Variants in MYOCD observed in about 807,000 individuals in gnomAD.
MYOCD encodes the protein myocardin.
Under a neutral mutation model 96.1 loss-of-function variants are expected in MYOCD, and 32 were observed. The observed-to-expected ratio is 0.33, with a 90% CI of 0.25 to 0.45. The LOEUF (loss-of-function observed/expected upper bound fraction) is 0.45, where lower values mean the gene tolerates loss of function less well. MYOCD is among the 20% of genes least tolerant of loss of function. The pLI is 1.00. For missense variants in MYOCD, 1,133 were observed against 1,200.6 expected (o/e 0.94, Z 0.83); for synonymous variants, 469 against 469.0 (o/e 1.00, Z 0.00).
chr17:12,698,053 T>C (rs534677319), intron 1 of MYOCD, among the ~76,000 whole-genome samples: 5 of 152,124 alleles, frequency 3.3e-5, no homozygotes, highest in African/African-American at 1.2e-4. Context: ...AAAAGAGAGT[T>C]TGTGTGGGGA....
At chr17:12,714,628 T>C (rs913608923) in intron 2 of MYOCD, among the ~76,000 whole-genome samples, 15 of 152,158 alleles carry the variant, frequency 9.9e-5, no homozygotes, top group African/African-American at 3.4e-4. Flanking sequence ...AGGCAAAATG[T>C]AGAATTTTGC....
At chr17:12,669,139 T>G (rs1909535786) in intron 1 of MYOCD, among the ~76,000 whole-genome samples, 1 of 152,222 alleles carries the variant, frequency 6.6e-6, no homozygotes, top group African/African-American at 2.4e-5. Context: ...GTTTTTAATC[T>G]TCTCATGTTG....
intron 4 of MYOCD, among the ~76,000 whole-genome samples, chr17:12,720,688 A>G (rs769626564): frequency 6.6e-6 from 1 of 152,166 alleles, no homozygotes; most frequent in Non-Finnish European, 1.5e-5. Context: ...AAACCTACCA[A>G]TCAATATAAA....
Position 12,717,364 on chromosome 17 carries a change from C to A in MYOCD, c.196C>A (p.Arg66Ser). 1.2e-6 allele frequency: 2 copies of A among 1,613,862 alleles called. No individual in the cohort carries two copies. Among genetic ancestry groups the A allele is most frequent in the South Asian group, 2.2e-5 (2 of 91,032 alleles). Residue 66 changes from arginine to serine, a missense_variant, in exon 4 of 14, where the codon CGC (arginine) becomes AGC (serine). Coordinates refer to ENST00000425538, the MANE Select transcript of MYOCD (RefSeq NM_001146312.3). ...DSDKAKNSLK[R>S]KARNRCNSAD... Reference sequence around the variant, plus strand: ...TCTACAGGCTAAAAATTCCCTGAAGCGCAAAGCCAGAAACAGGTGCAACAG... The same window carrying A: ...TCTACAGGCTAAAAATTCCCTGAAGAGCAAAGCCAGAAACAGGTGCAACAG...
At chr17:12,753,930 G>T (rs548186519) in intron 10 of MYOCD, among the ~76,000 whole-genome samples, 1 of 152,282 alleles carries the variant, frequency 6.6e-6, no homozygotes, top group Non-Finnish European at 1.5e-5. Flanking sequence ...CTGGGACTTA[G>T]TGCTGAACTA....
intron 2 of MYOCD, chr17:12,710,506 C>T: frequency 1.6e-5 from 16 of 984,928 alleles, no homozygotes; most frequent in Non-Finnish European, 1.9e-5. Flanking sequence ...CTAATCCAAG[C>T]TACAGCAGCC....
intron 5 of MYOCD, among the ~76,000 whole-genome samples, chr17:12,729,933 T>C (rs995265287): frequency 3.9e-5 from 6 of 152,114 alleles, no homozygotes; most frequent in Non-Finnish European, 7.3e-5. Context: ...ATCAGGTGTA[T>C]CAAAAGACAT....
chr17:12,679,186 G>A (rs978627895), intron 1 of MYOCD, among the ~76,000 whole-genome samples: 6 of 152,004 alleles, frequency 3.9e-5, no homozygotes, highest in Admixed American at 1.3e-4. Context: ...CTAACAGTCC[G>A]TCTGCTTAAA....
intron 9 of MYOCD, among the ~76,000 whole-genome samples, chr17:12,751,386 A>G (rs2032849049): frequency 6.6e-6 from 1 of 152,062 alleles, no homozygotes; most frequent in African/African-American, 2.4e-5. Context: ...TAATCATCCA[A>G]TGTCAGCAAA....
intron 1 of MYOCD, among the ~76,000 whole-genome samples, chr17:12,676,474 T>G (rs1597723792): frequency 6.6e-6 from 1 of 152,208 alleles, no homozygotes; most frequent in Non-Finnish European, 1.5e-5. Flanking sequence ...TCAGTAATTT[T>G]TAAATTTTCT....
At chr17:12,692,353 G>A (rs556245244) in intron 1 of MYOCD, among the ~76,000 whole-genome samples, 46 of 152,218 alleles carry the variant, frequency 3.0e-4, no homozygotes, top group Non-Finnish European at 6.0e-4. Flanking sequence ...TCGATACAAT[G>A]CATAAAGGTC....
rs142301022 is a variant in MYOCD, at chr17:12,740,864, C to T, written c.717+1536C>T. 6.8e-3 allele frequency among the ~76,000 whole-genome samples: 1,027 copies of T among 152,092 alleles called. 16 individuals are homozygous for T. Among genetic ancestry groups the T allele is most frequent in the East Asian group, 0.038 (195 of 5,162 alleles). Reference sequence around the variant, plus strand: ...AGTGATTCTCCTGCCTCAGCCTCCCCAGTAGCTGGGAGTATAGGTGCACAC... The same window carrying T: ...AGTGATTCTCCTGCCTCAGCCTCCCTAGTAGCTGGGAGTATAGGTGCACAC... On this transcript the variant is annotated intron_variant, in intron 7 of 13. Coordinates refer to ENST00000425538, the MANE Select transcript of MYOCD (RefSeq NM_001146312.3).
At chr17:12,731,507 AAAAAC>A (rs1378716532) in intron 5 of MYOCD, among the ~76,000 whole-genome samples, 2 of 152,152 alleles carry the variant, frequency 1.3e-5, no homozygotes, top group African/African-American at 2.4e-5. Flanking sequence ...TGCTCCTACC[AAAAAC>A]AATAGCAACA....
At chr17:12,761,590 T>TACACACACACACACAC (rs5819386) in intron 13 of MYOCD, 5 of 141,382 alleles carry the variant, frequency 3.5e-5, no homozygotes, top group South Asian at 2.4e-4. Flanking sequence ...CAGATGCCCA[T>TACACACACACACACAC]ACACACACAC....
intron 5 of MYOCD, among the ~76,000 whole-genome samples, chr17:12,733,932 G>A (rs1255695631): frequency 6.6e-6 from 1 of 151,446 alleles, no homozygotes; most frequent in Non-Finnish European, 1.5e-5. Flanking sequence ...CTATTATGAA[G>A]TCTAACAAAG....
chr17:12,750,799 T>C (rs2032831648), intron 9 of MYOCD, among the ~76,000 whole-genome samples: 1 of 152,248 alleles, frequency 6.6e-6, no homozygotes, highest in Admixed American at 6.5e-5. Flanking sequence ...TTTTCATTTC[T>C]TGGATTACTA....
At chr17:12,738,302 C>T (rs1425246055) in intron 6 of MYOCD, among the ~76,000 whole-genome samples, 1 of 152,030 alleles carries the variant, frequency 6.6e-6, no homozygotes, top group Non-Finnish European at 1.5e-5. Flanking sequence ...CATTCCTCAC[C>T]CCCCATGGAG....
At chr17:12,679,083 C>G (rs1910286609) in intron 1 of MYOCD, among the ~76,000 whole-genome samples, 1 of 152,200 alleles carries the variant, frequency 6.6e-6, no homozygotes, top group Non-Finnish European at 1.5e-5. Context: ...ACCAAATTTA[C>G]CACATGGTCC....
At chr17:12,731,614 C>T (rs1454274707) in intron 5 of MYOCD, among the ~76,000 whole-genome samples, 3 of 152,130 alleles carry the variant, frequency 2.0e-5, no homozygotes, top group African/African-American at 4.8e-5. Flanking sequence ...ATCCTCGAAA[C>T]CCTGAAAGCT....
Sources: allele counts gnomAD v4.1 joint callset (sites outside exome capture counted in the v4.1 genomes callset), GRCh38; gene constraint gnomAD v4.1.1; transcripts MANE v1.5; gene names NCBI Gene and HGNC (gene_info 2026-07-23, HGNC 2026-07-21).